PTPRD: variants seen among roughly 807,000 people sequenced by gnomAD.
The protein encoded by PTPRD is protein tyrosine phosphatase receptor type D, also known as receptor-type tyrosine-protein phosphatase delta.
PTPRD carries 34 observed loss-of-function variants against 214.5 expected under a neutral mutation model. The observed-to-expected ratio is 0.16, with a 90% CI of 0.12 to 0.21. The LOEUF is 0.21. Ranked by LOEUF, PTPRD falls within the 10% of genes least tolerant of loss-of-function variation. PTPRD has a pLI of 1.00. For missense variants in PTPRD, 2,545 were observed against 2,398.7 expected, an observed-to-expected ratio of 1.06 and a Z score of -1.27; for synonymous variants, 1,128 against 845.7, an observed-to-expected ratio of 1.33 and a Z score of -5.79.
intron 3 of PTPRD, among the ~76,000 whole-genome samples, chr9:10,209,465 G>T (rs1284273807): frequency 6.6e-6 from 1 of 152,072 alleles, no homozygotes; most frequent in African/African-American, 2.4e-5. Flanking sequence ...GGGAAGGGAA[G>T]TCCAATCAAT....
chr9:8,334,689 A>G (rs192561581), intron 43 of PTPRD, among the ~76,000 whole-genome samples: 29 of 94,084 alleles, frequency 3.1e-4, no homozygotes, highest in Admixed American at 2.7e-3. Flanking sequence ...TAAGAACACT[A>G]CAGAACTGAA....
chr9:8,862,699 C>A (rs986680003), intron 11 of PTPRD, among the ~76,000 whole-genome samples: 1 of 152,226 alleles, frequency 6.6e-6, no homozygotes, highest in Non-Finnish European at 1.5e-5. Flanking sequence ...AATACACTTT[C>A]CTTTTCTTCA....
chr9:10,120,702 A>G (rs1465528862), intron 3 of PTPRD, among the ~76,000 whole-genome samples: 1 of 152,066 alleles, frequency 6.6e-6, no homozygotes, highest in African/African-American at 2.4e-5. Flanking sequence ...TAAAAATTTA[A>G]TAAGAATCCA....
chr9:9,150,990 T>C (rs2099876299), intron 10 of PTPRD, among the ~76,000 whole-genome samples: 1 of 152,188 alleles, frequency 6.6e-6, no homozygotes, highest in South Asian at 2.1e-4. Context: ...CACAAGATCG[T>C]GGGAGTCCAC....
At chr9:9,546,481 G>C (rs895476350) in intron 8 of PTPRD, among the ~76,000 whole-genome samples, 77 of 151,430 alleles carry the variant, frequency 5.1e-4, no homozygotes, top group African/African-American at 1.9e-3. Flanking sequence ...GCCCTCCTTA[G>C]GTGATTTTGC....
intron 11 of PTPRD, among the ~76,000 whole-genome samples, chr9:8,849,815 T>G (rs1208621004): frequency 1.3e-5 from 2 of 152,122 alleles, no homozygotes; most frequent in African/African-American, 4.8e-5. Context: ...CTGATGGCTG[T>G]GTTGAGTATT....
At chr9:8,827,551 G>A (rs1239002586) in intron 11 of PTPRD, among the ~76,000 whole-genome samples, 4 of 152,138 alleles carry the variant, frequency 2.6e-5, no homozygotes, top group African/African-American at 9.7e-5. Context: ...AGGCTGCAGT[G>A]AGCCAAGATT....
At chr9:9,967,894 T>A (rs2094818213) in intron 4 of PTPRD, among the ~76,000 whole-genome samples, 1 of 152,172 alleles carries the variant, frequency 6.6e-6, no homozygotes, top group Non-Finnish European at 1.5e-5. Context: ...TGATAGAAGC[T>A]TTGTTTTCAA....
At chr9:10,169,098 T>A (rs544518201) in intron 3 of PTPRD, among the ~76,000 whole-genome samples, 1 of 152,162 alleles carries the variant, frequency 6.6e-6, no homozygotes, top group South Asian at 2.1e-4. Flanking sequence ...AAAACAGCAA[T>A]GTTACTAATA....
chr9:8,486,641 C>A (rs1394584159), intron 27 of PTPRD, among the ~76,000 whole-genome samples: 1 of 152,152 alleles, frequency 6.6e-6, no homozygotes, highest in Non-Finnish European at 1.5e-5. Context: ...AACCTTCACA[C>A]ATAAAGGTTC....
chr9:10,495,005 T>C (rs913094780), intron 2 of PTPRD, among the ~76,000 whole-genome samples: 1 of 151,810 alleles, frequency 6.6e-6, no homozygotes, highest in Non-Finnish European at 1.5e-5. Flanking sequence ...TAATTTTATG[T>C]CGTGCTCAAG....
intron 9 of PTPRD, among the ~76,000 whole-genome samples, chr9:9,312,314 C>T (rs754291887): frequency 5.9e-5 from 9 of 152,202 alleles, no homozygotes; most frequent in South Asian, 4.2e-4. Context: ...GTAAATTCAA[C>T]GCATAAGATT....
At chr9:8,781,895 C>A (rs1421127748) in intron 11 of PTPRD, among the ~76,000 whole-genome samples, 2 of 152,102 alleles carry the variant, frequency 1.3e-5, no homozygotes, top group Admixed American at 6.5e-5. Flanking sequence ...GCAAGTGGGT[C>A]AGCTCATGGT....
chr9:8,730,935 T>C (rs1259647088), intron 12 of PTPRD, among the ~76,000 whole-genome samples: 2 of 109,874 alleles, frequency 1.8e-5, no homozygotes, highest in African/African-American at 6.9e-5. Flanking sequence ...ATCTGGGCCA[T>C]TCAAGACACC....
chr9:9,690,826 C>T (rs2097257119), intron 7 of PTPRD, among the ~76,000 whole-genome samples: 1 of 151,772 alleles, frequency 6.6e-6, no homozygotes, highest in East Asian at 1.9e-4. Flanking sequence ...GTGTATGTGT[C>T]TTCTTTTATG....
At chr9:9,523,842 G>A (rs2097054272) in intron 8 of PTPRD, among the ~76,000 whole-genome samples, 1 of 152,068 alleles carries the variant, frequency 6.6e-6, no homozygotes, top group Non-Finnish European at 1.5e-5. Context: ...ATTGGCATTA[G>A]CTACTTTTGC....
At chr9:9,711,069 C>A (rs918933147) in intron 7 of PTPRD, among the ~76,000 whole-genome samples, 1 of 152,004 alleles carries the variant, frequency 6.6e-6, no homozygotes, top group African/African-American at 2.4e-5. Context: ...CACCTTGTGC[C>A]GAGCTACCTG....
chr9:10,398,192 A>G lies in PTPRD; in HGVS notation c.-599-57175T>C, dbSNP rs539605058. 2.6e-4 allele frequency among the ~76,000 whole-genome samples: 40 copies of G among 151,800 alleles called. 1 individual carries two copies. Among genetic ancestry groups the G allele is most frequent in the Admixed American group, 5.3e-4 (8 of 15,202 alleles). On this transcript the variant is annotated intron_variant, in intron 2 of 45. Transcript: ENST00000381196. ...CCAGGAGTCTGAGACCAGCCTGGACAACACAGCGAGACCCTGTCATTACAA... is the reference window on the plus strand; with the variant it reads ...CCAGGAGTCTGAGACCAGCCTGGACGACACAGCGAGACCCTGTCATTACAA...
At chr9:9,990,514 T>C (rs2095875235) in intron 4 of PTPRD, among the ~76,000 whole-genome samples, 1 of 152,190 alleles carries the variant, frequency 6.6e-6, no homozygotes, top group Admixed American at 6.5e-5. Context: ...GGCATGACTG[T>C]GCCCAGTGGC....
Sources: gnomAD v4.1 joint callset for allele counts (sites outside exome capture counted in the v4.1 genomes callset) on GRCh38, gnomAD v4.1.1 for gene constraint, MANE v1.5 for transcripts, NCBI Gene and HGNC (gene_info 2026-07-23, HGNC 2026-07-21) for gene names.